Variants in KBTBD2 observed in about 807,000 individuals in gnomAD.
The protein encoded by KBTBD2 is kelch repeat and BTB domain-containing protein 2.
KBTBD2 carries 17 observed loss-of-function variants against 57.1 expected under a neutral mutation model. The ratio of observed to expected loss-of-function variants is 0.30; its 90% confidence interval spans 0.20 to 0.45. The LOEUF (loss-of-function observed/expected upper bound fraction) is 0.45. KBTBD2 is among the 20% of genes least tolerant of loss of function. The pLI is 1.00. For missense variants in KBTBD2, 515 were observed against 750.6 expected, an observed-to-expected ratio of 0.69 and a Z score of 3.67; for synonymous variants, 267 against 262.7, an observed-to-expected ratio of 1.02 and a Z score of -0.16.
Position 32,874,973 on chromosome 7 carries a change from A to T in KBTBD2, c.336+19T>A. The stretch of plus-strand genomic sequence containing the variant: ...GCAACAGAGAGAGACTCCGTCTAAA[A>T]AAATATATATATGCTTACCTGTAGG... On this transcript the variant is annotated intron_variant, in intron 3 of 3. Coordinates refer to ENST00000304056, the MANE Select transcript of KBTBD2 (RefSeq NM_015483.3). The T allele has an allele frequency of 6.2e-7, 1 of 1,609,162 alleles. No homozygotes were observed.
In KBTBD2 at chr7:32,879,698, T is replaced by A; in HGVS notation, c.-94A>T. On this transcript the variant is annotated 5_prime_UTR_variant, in exon 2 of 4. Transcript: ENST00000304056. ...AATACTTCAGAAATAAAGGAGAACC[T>A]ACTTGCTGTTATCTGCAGCATTCAG... 1.0e-6 allele frequency: 1 copy of A among 970,770 alleles called. No homozygotes were observed. The highest frequency in any genetic ancestry group is 1.6e-6 in the Non-Finnish European group (1 of 638,522). The allele number at this position is 970,770 out of a possible 1,614,324, so 60.1% of individuals were successfully genotyped here.
intron 1 of KBTBD2, among the ~76,000 whole-genome samples, chr7:32,885,106 G>A (rs1489040851): frequency 2.0e-5 from 3 of 149,914 alleles, no homozygotes; most frequent in Non-Finnish European, 4.4e-5. Context: ...GAACTCCTAC[G>A]TTCAAGCGAT....
rs757615645 is a variant in KBTBD2 at position 32,870,618 on chromosome 7, A to G, written c.599T>C (p.Leu200Pro). 2.5e-6 allele frequency: 4 copies of G among 1,614,182 alleles called. No homozygotes were observed. ...KEETVREAAM[L>P]WLEYNTESRS... ...TGATTCTGTGTTATACTCTAGCCAC[A>G]GCATAGCAGCTTCTCGAACGGTTTC... The change falls in exon 4 of 4, where the codon CTG becomes CCG. Residue 200 changes from leucine (L) to proline (P), a missense_variant. Leu to Pro is a moderately conservative substitution (Grantham distance 98). Coordinates refer to ENST00000304056, the MANE Select transcript of KBTBD2 (RefSeq NM_015483.3).
At position 32,870,403 on chromosome 7, in the gene KBTBD2, T is replaced by C. The variant is rs1257753820; in HGVS notation, c.814A>G (p.Ile272Val). Reference sequence around the variant, plus strand: ...CAAGGATTTTCTGAAGATGCTTCAATGAAAATCATCATTTCCTCTTTAGTC... The same window carrying C: ...CAAGGATTTTCTGAAGATGCTTCAACGAAAATCATCATTTCCTCTTTAGTC... ...GMTKEEMMIFIEASSENPCSL... is the reference protein window; with the variant it reads ...GMTKEEMMIFVEASSENPCSL... Residue 272 changes from isoleucine (I) to valine (V), a missense_variant, in exon 4 of 4, where the codon ATT (isoleucine) becomes GTT (valine). By Grantham distance (29) the Ile-to-Val change is conservative. Transcript: ENST00000304056. 19 of 1,613,764 alleles carry C rather than the reference T, an allele frequency of 1.2e-5. No individual in the cohort carries two copies. The highest frequency in any genetic ancestry group is 1.6e-5 in the Non-Finnish European group (19 of 1,179,898).
At position 32,870,869 on chromosome 7, in the gene KBTBD2, C is replaced by T; in HGVS notation, c.348G>A (p.Val116=). The T allele has an allele frequency of 1.9e-6, 3 of 1,560,466 alleles. No individual in the cohort carries two copies. The highest frequency in any genetic ancestry group is 2.6e-6 in the Non-Finnish European group (3 of 1,159,332). ...ETACFLQVED[V]LQRCREYLIK... is the part of the protein sequence containing the mutation. Reference sequence around the variant, plus strand: ...TTAAATATTCTCGACAACGTTGTAACACATCTTCTACCTAGAATGAGAAGG... The same window carrying T: ...TTAAATATTCTCGACAACGTTGTAATACATCTTCTACCTAGAATGAGAAGG... The change falls in exon 4 of 4, where the codon GTG becomes GTA. Residue 116 remains valine, a synonymous_variant. Transcript: ENST00000304056.
intron 1 of KBTBD2, among the ~76,000 whole-genome samples, chr7:32,887,954 C>T (rs1229843845): frequency 6.6e-6 from 1 of 151,942 alleles, no homozygotes; most frequent in Non-Finnish European, 1.5e-5. Flanking sequence ...CACAGATATT[C>T]GAAATTATTT....
In KBTBD2 at chr7:32,869,740, C is replaced by T; in HGVS notation, c.1477G>A (p.Asp493Asn). 1 of 1,614,120 alleles carries T rather than the reference C, an allele frequency of 6.2e-7. No homozygotes were observed. Among genetic ancestry groups the T allele is most frequent in the Non-Finnish European group, 8.5e-7 (1 of 1,180,034 alleles). The change falls in exon 4 of 4, where the codon GAT (aspartate) becomes AAT (asparagine). Residue 493 changes from aspartate (D) to asparagine (N), a missense_variant. Coordinates refer to ENST00000304056, the MANE Select transcript of KBTBD2 (RefSeq NM_015483.3). ...SGIRLPSGTV[D>N]GSSVTVEIYD... ...ATTTCCACAGTTACTGAAGACCCAT[C>T]TACAGTGCCAGAGGGGAGTCTTATG...
At chr7:32,891,887 G>GCCGCTCCCGCCGCCCCCGCCC, upstream of KBTBD2, 1 of 29,368 alleles carries the variant, frequency 3.4e-5, no homozygotes, top group Non-Finnish European at 7.4e-5. Context: ...CGCCGCCCCC[G>GCCGCTCCCGCCGCCCCCGCCC]CCGCCCCCGC....
At chr7:32,891,351 G>T (rs1784735064) in intron 1 of KBTBD2, among the ~76,000 whole-genome samples, 185 bp downstream of exon 1, 1 of 148,220 alleles carries the variant, frequency 6.7e-6, no homozygotes. Context: ...GGGCGGCGCC[G>T]GCCGCCCGCG....
chr7:32,880,323 T>A (rs921345444), intron 1 of KBTBD2, among the ~76,000 whole-genome samples: 5 of 151,702 alleles, frequency 3.3e-5, no homozygotes, highest in South Asian at 4.1e-4. Flanking sequence ...AATATTTTTT[T>A]AAAAAAACAA....
At chr7:32,876,157 T>G (rs538980768) in intron 2 of KBTBD2, among the ~76,000 whole-genome samples, 6 of 152,260 alleles carry the variant, frequency 3.9e-5, no homozygotes, top group Admixed American at 2.6e-4. Flanking sequence ...TCATGGAGAA[T>G]ACTAAGTAGA....
chr7:32,884,549 G>A (rs1010033570), intron 1 of KBTBD2, among the ~76,000 whole-genome samples: 1 of 151,754 alleles, frequency 6.6e-6, no homozygotes, highest in Non-Finnish European at 1.5e-5. Flanking sequence ...AATTAGCCTG[G>A]TGTGATGGTG....
At position 32,869,702 on chromosome 7, in the gene KBTBD2, A is replaced by G. The variant is rs755861780; in HGVS notation, c.1515T>C (p.Asn505=). 6.2e-7 allele frequency: 1 copy of G among 1,614,074 alleles called. No homozygotes were observed. Among genetic ancestry groups the G allele is most frequent in the East Asian group, 2.2e-5 (1 of 44,884 alleles). The change falls in exon 4 of 4, where the codon AAT becomes AAC. Residue 505 remains asparagine (N), a synonymous_variant. Transcript: ENST00000304056. ...SSVTVEIYDV[N]KNEWKMAANI... is the part of the protein sequence containing the mutation. Reference sequence around the variant, plus strand: ...TGGCTGCCATTTTCCACTCATTTTTATTCACATCATAAATTTCCACAGTTA... The same window carrying G: ...TGGCTGCCATTTTCCACTCATTTTTGTTCACATCATAAATTTCCACAGTTA...
At position 32,868,323 on chromosome 7, in the gene KBTBD2, TTAA is replaced by T. The variant is rs1243432345; in HGVS notation, c.*1019_*1021del. ...CCACTACTGCTAGTGGTTCCTGGGATTAATGCCAGAGCAGCGCTAGTTATCTGC... is the reference window on the plus strand; with the variant it reads ...CCACTACTGCTAGTGGTTCCTGGGATTGCCAGAGCAGCGCTAGTTATCTGC... On this transcript the variant is annotated 3_prime_UTR_variant, in exon 4 of 4. Coordinates refer to ENST00000304056, the MANE Select transcript of KBTBD2 (RefSeq NM_015483.3). 1 of 152,546 alleles carries T rather than the reference TTAA, an allele frequency of 6.6e-6. No homozygotes were observed. The highest frequency in any genetic ancestry group is 1.5e-5 in the Non-Finnish European group (1 of 68,014). 9.4% of individuals were successfully genotyped at this position (152,546 alleles called of 1,614,324 possible). A position where few individuals can be genotyped will look rare whatever the true frequency, so the allele number is the denominator to read the frequency against.
At position 32,869,580 on chromosome 7, in the gene KBTBD2, C is replaced by G; in HGVS notation, c.1637G>C (p.Arg546Pro). 1 of 1,614,114 alleles carries G rather than the reference C, an allele frequency of 6.2e-7. No homozygotes were observed. Among genetic ancestry groups the G allele is most frequent in the Admixed American group, 1.7e-5 (1 of 60,012 alleles). ...ATATTGGTAGGTGACGTATTTAGCT[C>G]GCTCATTTAAGTGGGTTTCTCGCAT... is the stretch of plus-strand genomic sequence containing the variant. Reference protein sequence around the residue: ...VFMRETHLNERAKYVTYQYDL... With the variant: ...VFMRETHLNEPAKYVTYQYDL... Residue 546 changes from arginine (R) to proline (P), a missense_variant, in exon 4 of 4, where the codon CGA becomes CCA. Physicochemically the swap from Arg to Pro is moderately radical, Grantham distance 103. Transcript: ENST00000304056.
intron 1 of KBTBD2, among the ~76,000 whole-genome samples, chr7:32,887,147 G>C (rs1382200101): frequency 6.6e-6 from 1 of 152,128 alleles, no homozygotes; most frequent in Admixed American, 6.5e-5. Flanking sequence ...AAGGATTAAA[G>C]AACTATTGAA....
Position 32,870,764 on chromosome 7 carries a change from ACT to A in KBTBD2, c.451_452del (p.Ser151CysfsTer2), listed in dbSNP as rs781332159. 7 of 1,613,852 alleles carry A rather than the reference ACT, an allele frequency of 4.3e-6. No individual in the cohort carries two copies. The highest frequency in any genetic ancestry group is 5.1e-6 in the Non-Finnish European group (6 of 1,179,980). ...DLFSCEELKQ[S>X]AKRMVEHKFT... is the part of the protein sequence containing the mutation. ...ACTTGTGCTCCACCATTCTTTTAGC[ACT>A]CTGTTTTAATTCCTCACAACTGAAG... On this transcript the variant is annotated frameshift_variant, in exon 4 of 4. Transcript: ENST00000304056. LOFTEE classifies it high-confidence loss of function.
At chr7:32,871,910 T>G (rs1038899367) in intron 3 of KBTBD2, among the ~76,000 whole-genome samples, 1 of 152,130 alleles carries the variant, frequency 6.6e-6, no homozygotes, top group Non-Finnish European at 1.5e-5. Context: ...CGGTTTTCGT[T>G]AAAATGGCAG....
intron 1 of KBTBD2, among the ~76,000 whole-genome samples, chr7:32,888,959 T>C (rs2127958400): frequency 6.6e-6 from 1 of 152,298 alleles, no homozygotes; most frequent in South Asian, 2.1e-4. Flanking sequence ...TACTATGTCC[T>C]TTTATTTTGG....
Sources: allele counts gnomAD v4.1 joint callset (sites outside exome capture counted in the v4.1 genomes callset), GRCh38; gene constraint gnomAD v4.1.1; transcripts MANE v1.5; gene names NCBI Gene and HGNC (gene_info 2026-07-23, HGNC 2026-07-21).